Variants in DLGAP3 observed in about 807,000 individuals in gnomAD.
DLGAP3 encodes DLG associated protein 3, also known as disks large-associated protein 3.
DLGAP3 carries 17 observed loss-of-function variants against 81.2 expected under a neutral mutation model. That is an observed-to-expected ratio of 0.21 (90% CI 0.14 to 0.31). The LOEUF (loss-of-function observed/expected upper bound fraction) is 0.31, where lower values mean the gene tolerates loss of function less well. Among genes scored for constraint, DLGAP3 ranks in the 10% least tolerant of loss-of-function variants. The probability of loss-of-function intolerance (pLI) is 1.00; values close to 1 mark genes in which losing one functional copy is unlikely to be tolerated. For missense variants in DLGAP3, 1,124 were observed against 1,388.0 expected, an observed-to-expected ratio of 0.81 and a Z score of 3.02; for synonymous variants, 577 against 587.4, an observed-to-expected ratio of 0.98 and a Z score of 0.26.
In DLGAP3 at chr1:34,916,589, G is replaced by T. The variant is rs541514623; in HGVS notation, c.-134-9152C>A. ...CACATAGATGGTGGAAGAAGGATTT[G>T]AATCTGAGTCTGGGTCCAGGCCTGA... is the stretch of plus-strand genomic sequence containing the variant. On this transcript the variant is annotated intron_variant, in intron 1 of 11. Transcript: ENST00000373347. 2.6e-5 allele frequency among the ~76,000 whole-genome samples: 4 copies of T among 152,346 alleles called. No homozygotes were observed. In the South Asian group the frequency reaches 8.3e-4, roughly 32 times the overall value.
At position 34,900,006 on chromosome 1, in the gene DLGAP3, C is replaced by A; in HGVS notation, c.1313+62G>T. The A allele has an allele frequency of 7.0e-7, 1 of 1,433,828 alleles. No homozygotes were observed. The highest frequency in any genetic ancestry group is 9.7e-7 in the Non-Finnish European group (1 of 1,034,562). The allele number at this position is 1,433,828 out of a possible 1,614,324, so 88.8% of individuals were successfully genotyped here. A position where few individuals can be genotyped will look rare whatever the true frequency, so the allele number is the denominator to read the frequency against. ...TGACTGGCACCCACTCTACACACAT[C>A]TCCCGCAGGAGTCCAGCATCAGCCT... is the stretch of plus-strand genomic sequence containing the variant. On this transcript the variant is annotated intron_variant, in intron 4 of 11. Transcript: ENST00000373347. This position sits in a 1 kb window ranked among gnomAD's most constrained non-coding sequence, Gnocchi z 5.6.
intron 5 of DLGAP3, among the ~76,000 whole-genome samples, chr1:34,899,087 C>CTTT (rs58075518): frequency 6.9e-4 from 98 of 142,114 alleles, no homozygotes; most frequent in African/African-American, 1.6e-3. Flanking sequence ...ATCAATTCTA[C>CTTT]TTTTTTTTTT....
chr1:34,901,701 A>T (rs898136168), intron 3 of DLGAP3, among the ~76,000 whole-genome samples: 9 of 152,226 alleles, frequency 5.9e-5, no homozygotes, highest in African/African-American at 2.2e-4. Context: ...TCAAGAGATC[A>T]TCTGTGGCCA....
chr1:34,882,786 A>G (rs1266884662), intron 8 of DLGAP3, among the ~76,000 whole-genome samples: 1 of 152,070 alleles, frequency 6.6e-6, no homozygotes. Context: ...TTAGATTCCA[A>G]TTCCTTATCA....
chr1:34,885,908 C>A, intron 6 of DLGAP3, 117 bp from the exon 7 acceptor site: 2 of 1,136,894 alleles, frequency 1.8e-6, no homozygotes, highest in Non-Finnish European at 2.4e-6. Context: ...GCGGCGCGCA[C>A]TCCACATGCT....
At chr1:34,928,539 C>A (rs1481386425) in intron 1 of DLGAP3, among the ~76,000 whole-genome samples, 1 of 152,088 alleles carries the variant, frequency 6.6e-6, no homozygotes, top group Non-Finnish European at 1.5e-5. Context: ...AAAGCTCTTG[C>A]CTGAATCAAG....
At position 34,892,132 on chromosome 1, in the gene DLGAP3, T is replaced by C. The variant is rs534005249; in HGVS notation, c.1387-5847A>G. Among the ~76,000 whole-genome samples, 4 of 152,090 alleles carry C rather than the reference T, an allele frequency of 2.6e-5. No homozygotes were observed. In the South Asian group the frequency reaches 6.2e-4, roughly 24 times the overall value. Reference sequence around the variant, plus strand: ...GATTTAAAGGAAAGCATGACAACAATGACTTCATGAATACAAATCACAACA... The same window carrying C: ...GATTTAAAGGAAAGCATGACAACAACGACTTCATGAATACAAATCACAACA... On this transcript the variant is annotated intron_variant, in intron 5 of 11. Transcript: ENST00000373347.
chr1:34,902,825 T>TGAA lies in DLGAP3; in HGVS notation c.1107+1449_1107+1451dup, dbSNP rs1381203095. On this transcript the variant is annotated intron_variant, in intron 3 of 11. Transcript: ENST00000373347. The surrounding 1 kb of genome is among the most constrained non-coding windows in gnomAD (Gnocchi z 4.4). Reference sequence around the variant, plus strand: ...GCCCCCAGGGAGGTCAGGGCAGCCCTGAAGCAGCAGCAGGGAGCAGCGAAA... The same window carrying TGAA: ...GCCCCCAGGGAGGTCAGGGCAGCCCTGAAGAAGCAGCAGCAGGGAGCAGCGAAA... 8.6e-5 allele frequency among the ~76,000 whole-genome samples: 13 copies of TGAA among 152,016 alleles called. No homozygotes were observed. The highest frequency in any genetic ancestry group is 2.1e-4 in the South Asian group (1 of 4,824).
At chr1:34,889,640 A>G (rs1639284092) in intron 5 of DLGAP3, among the ~76,000 whole-genome samples, 1 of 152,238 alleles carries the variant, frequency 6.6e-6, no homozygotes, top group Non-Finnish European at 1.5e-5. Context: ...GGTGGGTCCA[A>G]CAGGGGGCCA....
In DLGAP3 at chr1:34,867,693, T is replaced by C; in HGVS notation, c.2486-66A>G. On this transcript the variant is annotated intron_variant, in intron 9 of 11. Transcript: ENST00000373347. This position sits in a 1 kb window ranked among gnomAD's most constrained non-coding sequence, Gnocchi z 4.3. ...CTCCTTCCCCAGCCTCCACGAAGTC[T>C]GCCCTGAATGACGCTGACCCCTCGG... is the stretch of plus-strand genomic sequence containing the variant. The C allele has an allele frequency of 7.5e-7, 1 of 1,339,760 alleles. No individual in the cohort carries two copies. The highest frequency in any genetic ancestry group is 1.1e-6 in the Non-Finnish European group (1 of 934,620). The allele number at this position is 1,339,760 out of a possible 1,614,324, so 83.0% of individuals were successfully genotyped here. A position where few individuals can be genotyped will look rare whatever the true frequency, so the allele number is the denominator to read the frequency against.
intron 5 of DLGAP3, among the ~76,000 whole-genome samples, chr1:34,893,008 TA>T (rs1337319911): frequency 1.3e-5 from 2 of 149,978 alleles, no homozygotes; most frequent in East Asian, 3.9e-4. Context: ...CCGTCTCTAC[TA>T]AAAATACAAA....
rs1638937303 is a variant in DLGAP3 at position 34,869,098 on chromosome 1, AG to A, written c.2001-10del. On this transcript the variant is annotated splice_polypyrimidine_tract_variant and intron_variant, in intron 8 of 11. Transcript: ENST00000373347. ...GCTTGAACCTTGCTCGCCTGGGGAG[AG>A]GGGTGGCTGTCATCCCCCATTGCCC... is the stretch of plus-strand genomic sequence containing the variant. 6.3e-7 allele frequency: 1 copy of A among 1,577,346 alleles called. No homozygotes were observed. The highest frequency in any genetic ancestry group is 8.6e-7 in the Non-Finnish European group (1 of 1,163,634).
chr1:34,906,864 A>G (rs546247417), intron 2 of DLGAP3, among the ~76,000 whole-genome samples: 50 of 152,170 alleles, frequency 3.3e-4, no homozygotes, highest in Non-Finnish European at 6.5e-4. Flanking sequence ...GCTGCCTCCA[A>G]TCAGGACTCC....
intron 8 of DLGAP3, among the ~76,000 whole-genome samples, chr1:34,880,623 C>T (rs1431503238): frequency 7.9e-5 from 12 of 151,360 alleles, no homozygotes; most frequent in African/African-American, 2.4e-5. Context: ...CCCAGCTACT[C>T]GGGAGGTGGA....
intron 1 of DLGAP3, among the ~76,000 whole-genome samples, chr1:34,916,215 G>C (rs1247343326): frequency 6.6e-6 from 1 of 152,206 alleles, no homozygotes; most frequent in Non-Finnish European, 1.5e-5. Context: ...CTCCCCAGCA[G>C]ATAGAACCGC....
Position 34,905,117 on chromosome 1 carries a change from G to A in DLGAP3, c.267C>T (p.Phe89=). 1 of 1,581,668 alleles carries A rather than the reference G, an allele frequency of 6.3e-7. No homozygotes were observed. Among genetic ancestry groups the A allele is most frequent in the Non-Finnish European group, 8.6e-7 (1 of 1,163,406 alleles). ...GGCCCTGGCCAGGGTACATCCTGGG[G>A]AAGGTGCTGCTACCCCCCCCAACCC... ...GAGVGGGSST[F]PRMYPGQGPF... Residue 89 remains phenylalanine, a synonymous_variant, in exon 3 of 12, where the codon TTC becomes TTT. Transcript: ENST00000373347.
rs746036348 is a variant in DLGAP3, at chr1:34,899,676, G to C, written c.1379C>G (p.Thr460Ser). The change falls in exon 5 of 12, where the codon ACT becomes AGT. Residue 460 changes from threonine (T) to serine (S), a missense_variant. This residue lies in a region of DLGAP3 where 357 missense variants were observed against 408.8 expected (regional missense o/e 0.87). Coordinates refer to ENST00000373347, the MANE Select transcript of DLGAP3 (RefSeq NM_001080418.3). ...SIPGYSRSLT[T>S]GQLSDELNQQ... is the part of the protein sequence containing the mutation. Reference sequence around the variant, plus strand: ...TACTGGGCCTCTCCCTACCTGTCCAGTGGTGAGGGAACGGCTGTAGCCAGG... The same window carrying C: ...TACTGGGCCTCTCCCTACCTGTCCACTGGTGAGGGAACGGCTGTAGCCAGG... 39 of 1,613,296 alleles carry C rather than the reference G, an allele frequency of 2.4e-5. No individual in the cohort carries two copies. The highest frequency in any genetic ancestry group is 3.2e-5 in the Non-Finnish European group (38 of 1,179,424).
chr1:34,885,780 T>C lies in DLGAP3; in HGVS notation c.1612A>G (p.Arg538Gly). 1 of 1,405,030 alleles carries C rather than the reference T, an allele frequency of 7.1e-7. No homozygotes were observed. Among genetic ancestry groups the C allele is most frequent in the Non-Finnish European group, 9.2e-7 (1 of 1,087,228 alleles). The allele number at this position is 1,405,030 out of a possible 1,614,324, so 87.0% of individuals were successfully genotyped here. A position where few individuals can be genotyped will look rare whatever the true frequency, so the allele number is the denominator to read the frequency against. The change falls in exon 7 of 12, where the codon AGA (arginine) becomes GGA (glycine). Residue 538 changes from arginine (R) to glycine (G), a missense_variant. Physicochemically the swap from Arg to Gly is moderately radical, Grantham distance 125. Around this residue, in one of 9 missense-constraint regions of DLGAP3, gnomAD observed 379 missense variants for 455.7 expected, o/e 0.83. Transcript: ENST00000373347. ...SGRPGSSFNFRKAPPPIPPGS... is the reference protein window; with the variant it reads ...SGRPGSSFNFGKAPPPIPPGS... Reference sequence around the variant, plus strand: ...GGCGGGATGGGGGGCGGGGCCTTTCTGAAGTTGAAGGCTGTGGCCGGCGAG... The same window carrying C: ...GGCGGGATGGGGGGCGGGGCCTTTCCGAAGTTGAAGGCTGTGGCCGGCGAG...
chr1:34,925,964 G>T (rs535406995), intron 1 of DLGAP3, among the ~76,000 whole-genome samples: 6 of 152,232 alleles, frequency 3.9e-5, no homozygotes, highest in Non-Finnish European at 7.3e-5. Context: ...GCAGATGGTA[G>T]AGACAGTATT....
Sources: allele counts gnomAD v4.1 joint callset (sites outside exome capture counted in the v4.1 genomes callset), GRCh38; gene constraint gnomAD v4.1.1; regional missense constraint gnomAD v4.1.1; non-coding constraint Gnocchi (gnomAD v3.1); transcripts MANE v1.5; gene names NCBI Gene and HGNC (gene_info 2026-07-23, HGNC 2026-07-21).